MROH2B: variants seen among roughly 807,000 people sequenced by gnomAD.
MROH2B encodes maestro heat-like repeat-containing protein family member 2B.
A neutral mutation model predicts 208.6 loss-of-function variants in MROH2B; 177 were observed. That is an observed-to-expected ratio of 0.85 (90% CI 0.75 to 0.96). The LOEUF is 0.96. MROH2B is among the 40% of genes least tolerant of loss of function. The probability of loss-of-function intolerance (pLI) is 0.00; values close to 1 mark genes in which losing one functional copy is unlikely to be tolerated. For synonymous variants in MROH2B, 728 were observed against 659.0 expected, an observed-to-expected ratio of 1.10 and a Z score of -1.60; for missense variants, 2,002 against 1,878.7, an observed-to-expected ratio of 1.07 and a Z score of -1.21.
rs1319190610 is a variant in MROH2B at position 41,018,387 on chromosome 5, T to A, written c.2717A>T (p.Glu906Val). The A allele has an allele frequency of 6.2e-7, 1 of 1,613,370 alleles. No individual in the cohort carries two copies. Among genetic ancestry groups the A allele is most frequent in the Non-Finnish European group, 8.5e-7 (1 of 1,179,780 alleles). Residue 906 changes from glutamate to valine, a missense_variant, in exon 27 of 42, where the codon GAA (glutamate) becomes GTA (valine). Coordinates refer to ENST00000399564, the MANE Select transcript of MROH2B (RefSeq NM_173489.5). ...TTTCGCAGTGATCTGGAAGGCTCTT[T>A]CTCTTTCCCACTCTTTTTGTGAAAC... Reference protein sequence around the residue: ...WLVSQKEWERERAFQITAKVL... With the variant: ...WLVSQKEWERVRAFQITAKVL...
chr5:41,037,247 TA>T (rs1038325073), intron 21 of MROH2B, among the ~76,000 whole-genome samples: 3 of 152,052 alleles, frequency 2.0e-5, no homozygotes, highest in East Asian at 1.9e-4. Context: ...ATTACACGCT[TA>T]AAAAAAATAG....
intron 30 of MROH2B, among the ~76,000 whole-genome samples, chr5:41,011,503 C>T (rs573166698): frequency 1.3e-5 from 2 of 152,318 alleles, no homozygotes; most frequent in South Asian, 4.1e-4. Flanking sequence ...TTCAAAAACA[C>T]TTATTGAAAA....
chr5:41,047,613 A>G, intron 17 of MROH2B, 108 bp downstream of exon 17: 1 of 998,978 alleles, frequency 1.0e-6, no homozygotes, highest in Non-Finnish European at 1.5e-6. Flanking sequence ...AAAGAAAGGA[A>G]AAGGTTGTTT....
At chr5:41,006,469 A>C (rs1374447048) in intron 34 of MROH2B, among the ~76,000 whole-genome samples, 1 of 152,242 alleles carries the variant, frequency 6.6e-6, no homozygotes, top group African/African-American at 2.4e-5. Flanking sequence ...GGTTGATCCA[A>C]CAGTCCCACT....
chr5:41,012,618 C>T lies in MROH2B; in HGVS notation c.3100G>A (p.Val1034Ile). Residue 1034 changes from valine (V) to isoleucine (I), a missense_variant, in exon 30 of 42, where the codon GTC becomes ATC. Val to Ile is a conservative substitution (Grantham distance 29). Transcript: ENST00000399564. ...TKACGIWMIT[V>I]LKQQGAALED... Reference sequence around the variant, plus strand: ...AGAGCAGCTCCCTGCTGCTTCAGGACAGTGATCATCCATATGCCACAGGCC... The same window carrying T: ...AGAGCAGCTCCCTGCTGCTTCAGGATAGTGATCATCCATATGCCACAGGCC... 6.2e-7 allele frequency: 1 copy of T among 1,613,680 alleles called. No homozygotes were observed. Among genetic ancestry groups the T allele is most frequent in the Non-Finnish European group, 8.5e-7 (1 of 1,179,714 alleles).
At chr5:41,024,099 A>G (rs533396455) in intron 24 of MROH2B, among the ~76,000 whole-genome samples, 5 of 152,208 alleles carry the variant, frequency 3.3e-5, no homozygotes, top group Admixed American at 3.3e-4. Context: ...TGTAAAGACC[A>G]TCAAGGCTAG....
chr5:41,055,736 G>C lies in MROH2B; in HGVS notation c.1033+6C>G. 6.2e-7 allele frequency: 1 copy of C among 1,608,202 alleles called. No homozygotes were observed. The highest frequency in any genetic ancestry group is 8.5e-7 in the Non-Finnish European group (1 of 1,174,872). On this transcript the variant is annotated splice_donor_region_variant and intron_variant, in intron 10 of 41. Transcript: ENST00000399564. ...AAACCATGTTGGCTTCAACCCTCTT[G>C]CTTACCATCAGCATTGACAGCCAAT...
intron 40 of MROH2B, among the ~76,000 whole-genome samples, chr5:40,999,249 C>T (rs1291495938): frequency 6.6e-6 from 1 of 152,166 alleles, no homozygotes; most frequent in Non-Finnish European, 1.5e-5. Context: ...GGCTGCTGGC[C>T]CCCACATGAA....
chr5:41,016,703 A>G (rs906903492), intron 28 of MROH2B, among the ~76,000 whole-genome samples: 1 of 150,626 alleles, frequency 6.6e-6, no homozygotes, highest in Non-Finnish European at 1.5e-5. Context: ...CTGGTCTTGA[A>G]CTCCTGACCT....
chr5:41,012,584 T>A lies in MROH2B; in HGVS notation c.3134A>T (p.Gln1045Leu). 1 of 1,606,746 alleles carries A rather than the reference T, an allele frequency of 6.2e-7. No homozygotes were observed. The highest frequency in any genetic ancestry group is 8.5e-7 in the Non-Finnish European group (1 of 1,177,970). Residue 1045 changes from glutamine (Q) to leucine (L), a missense_variant and splice_region_variant, in exon 30 of 42, where the codon CAG becomes CTG. Gln to Leu is a moderately radical substitution (Grantham distance 113). Transcript: ENST00000399564. ...LKQQGAALED[Q>L]LLEILGTIYH... ...TGTTAAAACTGGCTATCAGTTCACC[T>A]GATCTTCCAGAGCAGCTCCCTGCTG...
chr5:41,032,970 T>A, intron 23 of MROH2B, 71 bp downstream of exon 23: 7 of 1,590,738 alleles, frequency 4.4e-6, no homozygotes, highest in African/African-American at 1.3e-5. Context: ...ATTCACTTTT[T>A]AAAAAGATAG....
intron 6 of MROH2B, among the ~76,000 whole-genome samples, chr5:41,058,624 A>C (rs536064510): frequency 6.6e-5 from 10 of 152,222 alleles, no homozygotes; most frequent in Admixed American, 2.6e-4. Flanking sequence ...TGCCTGGCTA[A>C]TTTTTGTAAT....
At chr5:41,019,829 A>G (rs1215346949) in intron 24 of MROH2B, among the ~76,000 whole-genome samples, 1 of 152,224 alleles carries the variant, frequency 6.6e-6, no homozygotes. Flanking sequence ...TTTAAAAGAA[A>G]TTAATGTATC....
intron 5 of MROH2B, 25 bp from the exon 6 acceptor site, chr5:41,061,749 G>C (rs578072426): frequency 1.9e-6 from 3 of 1,605,908 alleles, no homozygotes; most frequent in Non-Finnish European, 2.6e-6. Flanking sequence ...CACAACCACA[G>C]ACTGAGAAAA....
At position 41,038,840 on chromosome 5, in the gene MROH2B, T is replaced by C. The variant is rs1742850139; in HGVS notation, c.2110A>G (p.Ile704Val). 4.3e-6 allele frequency: 7 copies of C among 1,613,512 alleles called. No homozygotes were observed. The highest frequency in any genetic ancestry group is 3.3e-5 in the Admixed American group (2 of 59,990). The change falls in exon 21 of 42, where the codon ATC becomes GTC. Residue 704 changes from isoleucine to valine, a missense_variant. Transcript: ENST00000399564. Reference protein sequence around the residue: ...KSLTKTDVMVIYGAVALHAPK... With the variant: ...KSLTKTDVMVVYGAVALHAPK... ...GCATGGAGGGCCACTGCTCCATAGATGACCATGACATCTGTCTTGGTCAGG... is the reference window on the plus strand; with the variant it reads ...GCATGGAGGGCCACTGCTCCATAGACGACCATGACATCTGTCTTGGTCAGG...
intron 11 of MROH2B, 83 bp downstream of exon 11, chr5:41,054,684 C>T: frequency 1.9e-6 from 2 of 1,068,022 alleles, no homozygotes; most frequent in South Asian, 1.7e-5. Context: ...AAAATAGTCT[C>T]ATAAGTAGAT....
Position 41,039,516 on chromosome 5 carries a change from A to G in MROH2B, c.1993T>C (p.Leu665=), listed in dbSNP as rs376570376. The change falls in exon 20 of 42, where the codon TTG becomes CTG. Residue 665 remains leucine, a synonymous_variant. Transcript: ENST00000399564. ...TTAAGAACTTTTAAAACAATATCCAAATGGTTCTCGGCACAGTATCCTAAA... is the reference window on the plus strand; with the variant it reads ...TTAAGAACTTTTAAAACAATATCCAGATGGTTCTCGGCACAGTATCCTAAA... ...SILGYCAENH[L]DIVLKVLKTF... 15 of 1,608,064 alleles carry G rather than the reference A, an allele frequency of 9.3e-6. No homozygotes were observed. The highest frequency in any genetic ancestry group is 1.7e-5 in the Admixed American group (1 of 59,384).
At chr5:41,018,308 A>G in intron 27 of MROH2B, 33 bp downstream of exon 27, 2 of 1,584,692 alleles carry the variant, frequency 1.3e-6, no homozygotes, top group Non-Finnish European at 1.7e-6. Context: ...GTTCACAAGC[A>G]ATAAAGTCTA....
intron 11 of MROH2B, among the ~76,000 whole-genome samples, chr5:41,053,213 T>G (rs1015596431): frequency 6.6e-6 from 1 of 152,234 alleles, no homozygotes; most frequent in African/African-American, 2.4e-5. Context: ...GGATTTTTGT[T>G]TCTTAAATTT....
Sources: gnomAD v4.1 joint callset for allele counts (sites outside exome capture counted in the v4.1 genomes callset) on GRCh38, gnomAD v4.1.1 for gene constraint, MANE v1.5 for transcripts, NCBI Gene and HGNC (gene_info 2026-07-23, HGNC 2026-07-21) for gene names.